Variants in TRIM24 observed in about 807,000 individuals in gnomAD.
TRIM24 encodes tripartite motif containing 24.
In TRIM24, 29 loss-of-function variants were observed where a neutral mutation model predicts 123.9. That is an observed-to-expected ratio of 0.23 (90% CI 0.17 to 0.32). The LOEUF (loss-of-function observed/expected upper bound fraction) is 0.32, where lower values mean the gene tolerates loss of function less well. TRIM24 is among the 10% of genes least tolerant of loss of function. The pLI is 1.00. For synonymous variants in TRIM24, 456 were observed against 461.1 expected (o/e 0.99, Z 0.14); for missense variants, 932 against 1,295.3 (o/e 0.72, Z 4.31).
rs549529263 is a variant in TRIM24, at chr7:138,487,899, G to A, written c.365-16391G>A. On this transcript the variant is annotated intron_variant, in intron 1 of 18. Transcript: ENST00000343526. ...GGATTCCCTGTTTTTCTGTTGATTGGAATAGTTTCAAAAGGAATGGTACCA... is the reference window on the plus strand; with the variant it reads ...GGATTCCCTGTTTTTCTGTTGATTGAAATAGTTTCAAAAGGAATGGTACCA... Among the ~76,000 whole-genome samples the A allele has an allele frequency of 1.1e-4, 17 of 152,256 alleles. 1 individual carries two copies. The highest frequency in any genetic ancestry group is 3.3e-4 in the Admixed American group (5 of 15,294).
rs1797280827 is a variant in TRIM24 at position 138,554,742 on chromosome 7, A to G, written c.1306A>G (p.Lys436Glu). The part of the protein sequence containing the change: ...EDKESQPQMP[K>E]QNPVVEQNSQ... ...TAAAGAGAGCCAGCCACAAATGCCT[A>G]AGCAGAATCCTGTCGTGGAACAGAA... is the stretch of plus-strand genomic sequence containing the variant. The change falls in exon 9 of 19, where the codon AAG (lysine) becomes GAG (glutamate). Residue 436 changes from lysine to glutamate, a missense_variant. Physicochemically the swap from Lys to Glu is moderately conservative, Grantham distance 56. Around this residue, in one of 7 missense-constraint regions of TRIM24, gnomAD observed 527 missense variants for 691.3 expected, o/e 0.76. Coordinates refer to ENST00000343526, the MANE Select transcript of TRIM24 (RefSeq NM_015905.3). This position sits in a 1 kb window ranked among gnomAD's most constrained non-coding sequence, Gnocchi z 4.5. 6.2e-7 allele frequency: 1 copy of G among 1,614,060 alleles called. No individual in the cohort carries two copies. Among genetic ancestry groups the G allele is most frequent in the Admixed American group, 1.7e-5 (1 of 60,016 alleles).
At chr7:138,512,480 T>G (rs527952146) in intron 2 of TRIM24, among the ~76,000 whole-genome samples, 2 of 152,218 alleles carry the variant, frequency 1.3e-5, no homozygotes, top group South Asian at 4.1e-4. Context: ...TCCATAAATC[T>G]TCTGAAATCC....
At chr7:138,498,526 CT>C (rs1251027410) in intron 1 of TRIM24, among the ~76,000 whole-genome samples, 1 of 152,100 alleles carries the variant, frequency 6.6e-6, no homozygotes, top group Non-Finnish European at 1.5e-5. Context: ...GCCTGGCCCC[CT>C]GTGTGGGTTT....
chr7:138,480,275 T>C (rs1386844103), intron 1 of TRIM24, among the ~76,000 whole-genome samples: 1 of 152,188 alleles, frequency 6.6e-6, no homozygotes, highest in East Asian at 1.9e-4. Context: ...GCCCCACTTT[T>C]ATGTTAACAA....
intron 6 of TRIM24, among the ~76,000 whole-genome samples, chr7:138,537,386 T>TG (rs1796909087): frequency 2.4e-5 from 3 of 124,738 alleles, no homozygotes; most frequent in Admixed American, 8.2e-5. Context: ...TTTGTTTTTT[T>TG]TTTTTTTTTT....
At chr7:138,539,801 C>CT (rs528996607) in intron 7 of TRIM24, among the ~76,000 whole-genome samples, 43,431 of 129,568 alleles carry the variant, frequency 0.34, 7,933 homozygotes, top group East Asian at 0.5. Flanking sequence ...ATTAAGTAAT[C>CT]TTTTTTTTTT....
intron 4 of TRIM24, among the ~76,000 whole-genome samples, chr7:138,522,975 ATAT>A (rs1796534584): frequency 6.6e-6 from 1 of 152,234 alleles, no homozygotes; most frequent in African/African-American, 2.4e-5. Flanking sequence ...AGGACAATTT[ATAT>A]TATTAAATGC....
In TRIM24 at chr7:138,579,506, T is replaced by C. The variant is rs765169616; in HGVS notation, c.2559T>C (p.His853=). ...KCPKVFHLSC[H]VPTLTNFPSG... ...CCAAAGTATTCCATCTTTCTTGTCA[T>C]GTGCCCACATTGACAAATTTTCCAA... Residue 853 remains histidine (H), a synonymous_variant, in exon 15 of 19, where the codon CAT becomes CAC. Coordinates refer to ENST00000343526, the MANE Select transcript of TRIM24 (RefSeq NM_015905.3). The C allele has an allele frequency of 6.2e-6, 10 of 1,607,372 alleles. No homozygotes were observed. The highest frequency in any genetic ancestry group is 1.7e-4 in the Middle Eastern group (1 of 6,034).
intron 9 of TRIM24, among the ~76,000 whole-genome samples, chr7:138,561,250 C>T (rs1395502759): frequency 2.6e-5 from 4 of 152,124 alleles, no homozygotes; most frequent in East Asian, 1.9e-4. Flanking sequence ...CCCAGCCTGC[C>T]GGACCCCTTC....
intron 2 of TRIM24, among the ~76,000 whole-genome samples, chr7:138,507,127 G>C (rs184618720): frequency 3.3e-5 from 5 of 152,236 alleles, no homozygotes; most frequent in Admixed American, 3.3e-4. Context: ...TCCATGGTTA[G>C]AGTGGTGCTC....
chr7:138,539,210 TATGTA>T, intron 7 of TRIM24, among the ~76,000 whole-genome samples: 1 of 152,106 alleles, frequency 6.6e-6, no homozygotes, highest in Non-Finnish European at 1.5e-5. Flanking sequence ...GGCATGTGAT[TATGTA>T]ACATGTCTAA....
chr7:138,529,896 G>A (rs1465616606), intron 6 of TRIM24, among the ~76,000 whole-genome samples: 3 of 151,966 alleles, frequency 2.0e-5, no homozygotes, highest in East Asian at 1.9e-4. Context: ...CTTTTAGTAC[G>A]TTGACATAGA....
chr7:138,573,948 T>C (rs1201533344), intron 12 of TRIM24, among the ~76,000 whole-genome samples: 1 of 152,184 alleles, frequency 6.6e-6, no homozygotes, highest in Non-Finnish European at 1.5e-5. Context: ...GTAAGTATGC[T>C]GCTCTACCAA....
Position 138,551,070 on chromosome 7 carries a change from A to G in TRIM24, c.1151A>G (p.Tyr384Cys). 6.2e-7 allele frequency: 1 copy of G among 1,613,410 alleles called. No individual in the cohort carries two copies. The highest frequency in any genetic ancestry group is 1.1e-5 in the South Asian group (1 of 91,042). The change falls in exon 8 of 19, where the codon TAC becomes TGC. Residue 384 changes from tyrosine to cysteine, a missense_variant. Tyr to Cys is a radical substitution (Grantham distance 194). This residue lies in a region of TRIM24 where 527 missense variants were observed against 691.3 expected (regional missense o/e 0.76). Transcript: ENST00000343526. ...ALLYSKRLIT[Y>C]RLRHLLRARC... ...CTCTCCTTTTTCTTCTAGATTACAT[A>G]CCGGTTACGGCACCTCCTTCGTGCA...
At chr7:138,462,423 C>T (rs1157866562) in intron 1 of TRIM24, among the ~76,000 whole-genome samples, 3 of 149,662 alleles carry the variant, frequency 2.0e-5, no homozygotes, top group African/African-American at 2.5e-5. Flanking sequence ...TCACTGCAAG[C>T]TCCGCCTCCC....
At chr7:138,509,315 G>GTATAATATATATA in intron 2 of TRIM24, among the ~76,000 whole-genome samples, 1 of 148,142 alleles carries the variant, frequency 6.8e-6, no homozygotes, top group East Asian at 2.0e-4. Context: ...TTATATATAT[G>GTATAATATATATA]TATAATATAT....
intron 1 of TRIM24, among the ~76,000 whole-genome samples, chr7:138,498,242 C>T (rs10281487): frequency 0.021 from 3,234 of 151,146 alleles, 94 homozygotes; most frequent in African/African-American, 0.072. Flanking sequence ...TATTTTTTTT[C>T]GAGACAGAGT....
chr7:138,550,982 C>A, intron 7 of TRIM24, 81 bp from the exon 8 acceptor site: 1 of 1,097,920 alleles, frequency 9.1e-7, no homozygotes, highest in Non-Finnish European at 1.4e-6. Context: ...GATGTACATA[C>A]CAGAGACTGT....
intron 7 of TRIM24, among the ~76,000 whole-genome samples, chr7:138,539,211 A>G (rs1796952484): frequency 6.6e-6 from 1 of 152,100 alleles, no homozygotes; most frequent in South Asian, 2.1e-4. Context: ...GCATGTGATT[A>G]TGTAACATGT....
Sources: gnomAD v4.1 joint callset for allele counts (sites outside exome capture counted in the v4.1 genomes callset) on GRCh38, gnomAD v4.1.1 for gene constraint, gnomAD v4.1.1 regional missense constraint, Gnocchi (gnomAD v3.1) non-coding constraint, MANE v1.5 for transcripts, NCBI Gene and HGNC (gene_info 2026-07-23, HGNC 2026-07-21) for gene names.